GPHN: variants seen among roughly 807,000 people sequenced by gnomAD.
The protein encoded by GPHN is gephyrin.
GPHN carries 17 observed loss-of-function variants against 95.5 expected under a neutral mutation model. The observed-to-expected ratio is 0.18, with a 90% CI of 0.12 to 0.27. The LOEUF (loss-of-function observed/expected upper bound fraction) is 0.27. Ranked by LOEUF, GPHN falls within the 10% of genes least tolerant of loss-of-function variation. GPHN has a pLI of 1.00. For missense variants in GPHN, 660 were observed against 978.1 expected (o/e 0.67, Z 4.34); for synonymous variants, 320 against 322.5 (o/e 0.99, Z 0.08).
intron 8 of GPHN, among the ~76,000 whole-genome samples, chr14:66,941,427 G>C (rs1337021107): frequency 6.6e-6 from 1 of 152,128 alleles, no homozygotes; most frequent in Non-Finnish European, 1.5e-5. Context: ...ACCTTTTAAA[G>C]TGAAGCCCAG....
chr14:66,833,664 T>TTAA (rs1555418218), intron 4 of GPHN, among the ~76,000 whole-genome samples: 1 of 142,634 alleles, frequency 7.0e-6, no homozygotes, highest in African/African-American at 2.5e-5. Context: ...ATGCCCTGGT[T>TTAA]AAAAAAAAAA....
chr14:66,896,563 G>C (rs1241141213), intron 5 of GPHN, among the ~76,000 whole-genome samples: 1 of 152,112 alleles, frequency 6.6e-6, no homozygotes, highest in African/African-American at 2.4e-5. Flanking sequence ...AGTGAGCCAT[G>C]GTTGTGCCAC....
the GPHN span, among the ~76,000 whole-genome samples, chr14:67,343,209 CT>C: frequency 4.9e-4 from 72 of 148,006 alleles, no homozygotes; most frequent in Non-Finnish European, 5.4e-4. Context: ...CTTCATAACA[CT>C]TTTTTTTTTT....
In GPHN at chr14:66,508,439, G is replaced by T; in HGVS notation, c.-89G>T. ...GCTTCTCTGGCTCCCTAGCTGTCGC[G>T]CTCTCCTCGGCGAGCGCGCTCCCGG... On this transcript the variant is annotated 5_prime_UTR_variant, in exon 1 of 23. Coordinates refer to ENST00000478722, the MANE Select transcript of GPHN (RefSeq NM_020806.5). 8.7e-7 allele frequency: 1 copy of T among 1,153,738 alleles called. No individual in the cohort carries two copies. Among genetic ancestry groups the T allele is most frequent in the Non-Finnish European group, 1.3e-6 (1 of 760,938 alleles). The allele number at this position is 1,153,738 out of a possible 1,614,324, so 71.5% of individuals were successfully genotyped here.
chr14:67,050,113 A>G (rs1225273769), intron 10 of GPHN, among the ~76,000 whole-genome samples: 2 of 152,220 alleles, frequency 1.3e-5, no homozygotes, highest in Non-Finnish European at 2.9e-5. Flanking sequence ...TAATTTCTTC[A>G]ATTAAGTTAT....
At chr14:66,785,781 G>C (rs2059754446) in intron 3 of GPHN, among the ~76,000 whole-genome samples, 1 of 146,554 alleles carries the variant, frequency 6.8e-6, no homozygotes, top group Non-Finnish European at 1.5e-5. Context: ...ATACATGCCA[G>C]AGGAAATTAA....
intron 1 of GPHN, among the ~76,000 whole-genome samples, chr14:66,623,198 A>G (rs1282310465): frequency 6.6e-6 from 1 of 152,116 alleles, no homozygotes. Context: ...TTGTGCAGGG[A>G]AACTCCCATT....
chr14:67,336,799 GTTGGTT>G, the GPHN span: 25 of 455,322 alleles, frequency 5.5e-5, no homozygotes, highest in East Asian at 5.6e-4. Context: ...GAACTGAGTT[GTTGGTT>G]TTCCAGTCAT....
At chr14:67,442,599 G>C in the GPHN span, among the ~76,000 whole-genome samples, 1 of 152,108 alleles carries the variant, frequency 6.6e-6, no homozygotes, top group South Asian at 2.1e-4. Flanking sequence ...GTCTAATTAG[G>C]TTGACCTCTC....
chr14:67,489,658 G>A, the GPHN span, among the ~76,000 whole-genome samples: 1 of 152,152 alleles, frequency 6.6e-6, no homozygotes, highest in Non-Finnish European at 1.5e-5. Flanking sequence ...AGGGGGATCT[G>A]ACCATCCTTC....
At chr14:67,425,732 G>A in the GPHN span, among the ~76,000 whole-genome samples, 3 of 152,066 alleles carry the variant, frequency 2.0e-5, no homozygotes, top group Non-Finnish European at 4.4e-5. Context: ...AACAACACAG[G>A]GGAACTGGAC....
At chr14:66,691,611 A>C (rs1365323953) in intron 2 of GPHN, among the ~76,000 whole-genome samples, 1 of 152,194 alleles carries the variant, frequency 6.6e-6, no homozygotes, top group African/African-American at 2.4e-5. Flanking sequence ...CCTACTATTC[A>C]TGGCTGCTTT....
At chr14:67,246,649 GTT>G in the GPHN span, among the ~76,000 whole-genome samples, 4 of 112,194 alleles carry the variant, frequency 3.6e-5, no homozygotes, top group African/African-American at 6.8e-5. Context: ...CCTACTATAG[GTT>G]TTTTTTTTTT....
At chr14:66,921,161 A>T (rs2066195214) in intron 6 of GPHN, among the ~76,000 whole-genome samples, 1 of 152,138 alleles carries the variant, frequency 6.6e-6, no homozygotes, top group Non-Finnish European at 1.5e-5. Flanking sequence ...TTAGTTCTTT[A>T]AGGAATCTCC....
At chr14:67,218,685 G>A in the GPHN span, among the ~76,000 whole-genome samples, 2 of 152,090 alleles carry the variant, frequency 1.3e-5, no homozygotes, top group African/African-American at 4.8e-5. Flanking sequence ...GTAGGGGATG[G>A]AGGCACTGCG....
At chr14:67,387,073 C>T in the GPHN span, 1 of 310,054 alleles carries the variant, frequency 3.2e-6, no homozygotes, top group Non-Finnish European at 5.9e-6. Context: ...GAGGAAATGG[C>T]TGTTTGTGAT....
chr14:67,202,924 G>A, the GPHN span: 3 of 262,802 alleles, frequency 1.1e-5, no homozygotes, highest in Non-Finnish European at 1.8e-5. Flanking sequence ...CAGAGGCTGT[G>A]TCTGTTCCCT....
chr14:67,122,123 A>G, intron 16 of GPHN, 133 bp from the exon 17 acceptor site: 1 of 805,270 alleles, frequency 1.2e-6, no homozygotes, highest in South Asian at 1.5e-5. Context: ...TCCTTTGGGC[A>G]TTCACCTTCA....
At chr14:67,519,865 G>A in the GPHN span, among the ~76,000 whole-genome samples, 1 of 152,142 alleles carries the variant, frequency 6.6e-6, no homozygotes, top group Non-Finnish European at 1.5e-5. Flanking sequence ...TGGGACTACA[G>A]GCGTACGCCA....
Sources: gnomAD v4.1 joint callset for allele counts (sites outside exome capture counted in the v4.1 genomes callset) on GRCh38, gnomAD v4.1.1 for gene constraint, MANE v1.5 for transcripts, NCBI Gene and HGNC (gene_info 2026-07-23, HGNC 2026-07-21) for gene names.